ATP2C1: variants seen among roughly 807,000 people sequenced by gnomAD.
ATP2C1 encodes the protein ATPase secretory pathway Ca2+ transporting 1, also known as calcium-transporting ATPase type 2C member 1.
Under a neutral mutation model 120.5 loss-of-function variants are expected in ATP2C1, and 31 were observed. That is an observed-to-expected ratio of 0.26 (90% CI 0.19 to 0.35). The LOEUF (loss-of-function observed/expected upper bound fraction) is 0.35. Among genes scored for constraint, ATP2C1 ranks in the 10% least tolerant of loss-of-function variants. The probability of loss-of-function intolerance (pLI) is 1.00; values close to 1 mark genes in which losing one functional copy is unlikely to be tolerated. For synonymous variants in ATP2C1, 351 were observed against 358.7 expected (o/e 0.98, Z 0.24); for missense variants, 731 against 1,107.5 (o/e 0.66, Z 4.83).
intron 12 of ATP2C1, among the ~76,000 whole-genome samples, chr3:130,959,760 A>G (rs1456088565): frequency 2.6e-5 from 4 of 152,098 alleles, no homozygotes; most frequent in African/African-American, 9.6e-5. Context: ...AACTGCATCC[A>G]TGAGATAAAT....
intron 21 of ATP2C1, 59 bp downstream of exon 21, chr3:130,993,060 T>A: frequency 7.0e-7 from 1 of 1,435,140 alleles, no homozygotes; most frequent in Non-Finnish European, 9.8e-7. Context: ...CTACTTTACT[T>A]TTGTTATGTT....
At chr3:130,970,369 TACACACACACACACAC>T (rs201337484) in intron 17 of ATP2C1, among the ~76,000 whole-genome samples, 3,877 of 130,720 alleles carry the variant, frequency 0.03, 192 homozygotes, top group African/African-American at 0.11. Flanking sequence ...AAAAAAAAAT[TACACACACACACACAC>T]ACACACACAC....
rs2060723676 is a variant in ATP2C1 at position 130,959,457 on chromosome 3, A to T, written c.899+116A>T. 5 of 668,782 alleles carry T rather than the reference A, an allele frequency of 7.5e-6. No homozygotes were observed. In the Admixed American group the frequency reaches 9.5e-5, roughly 13 times the overall value. 41.4% of individuals were successfully genotyped at this position (668,782 alleles called of 1,614,324 possible). A position where few individuals can be genotyped will look rare whatever the true frequency, so the allele number is the denominator to read the frequency against. On this transcript the variant is annotated intron_variant, in intron 12 of 27. Transcript: ENST00000510168. ...TACATGGAGCCCATAAGAGTATAAC[A>T]TCGCTACATAAATAGTTCAGAAGTC...
intron 20 of ATP2C1, among the ~76,000 whole-genome samples, chr3:130,986,617 A>G (rs577195343): frequency 1.3e-5 from 2 of 152,362 alleles, no homozygotes; most frequent in African/African-American, 4.8e-5. Context: ...AAGCCCTGTC[A>G]GAAGCTCGTT....
intron 26 of ATP2C1, among the ~76,000 whole-genome samples, chr3:130,998,754 G>A (rs573602101): frequency 7.2e-5 from 11 of 152,242 alleles, no homozygotes; most frequent in African/African-American, 2.6e-4. Flanking sequence ...GTATTGCTAG[G>A]AGTATAAGAG....
Position 130,894,149 on chromosome 3 carries a change from TCCCC to T in ATP2C1, c.-368_-365del. The stretch of plus-strand genomic sequence containing the variant: ...ACGGGTCCCCTCACCTCCTCTTCTC[TCCCC>T]TCCCCGCCCGCCCTCTCTCCCTCCC... On this transcript the variant is annotated 5_prime_UTR_variant, in exon 1 of 28. Transcript: ENST00000510168. The surrounding 1 kb of genome is among the most constrained non-coding windows in gnomAD (Gnocchi z 4.5). The T allele has an allele frequency of 2.3e-5, 16 of 694,824 alleles. No individual in the cohort carries two copies. The highest frequency in any genetic ancestry group is 2.8e-5 in the Non-Finnish European group (16 of 565,178). 43.0% of individuals were successfully genotyped at this position (694,824 alleles called of 1,614,324 possible). A position where few individuals can be genotyped will look rare whatever the true frequency, so the allele number is the denominator to read the frequency against.
At chr3:130,972,919 G>C (rs2061393165) in intron 17 of ATP2C1, among the ~76,000 whole-genome samples, 1 of 151,412 alleles carries the variant, frequency 6.6e-6, no homozygotes, top group South Asian at 2.1e-4. Flanking sequence ...CAGAGAAAGG[G>C]ATCTTAGAGA....
intron 1 of ATP2C1, among the ~76,000 whole-genome samples, chr3:130,860,988 G>A (rs139482313): frequency 3.2e-4 from 49 of 152,312 alleles, no homozygotes; most frequent in African/African-American, 1.1e-3. Context: ...CAGGTTTCTC[G>A]ACATGGTGCG....
chr3:130,973,761 T>G (rs541134284), intron 17 of ATP2C1, among the ~76,000 whole-genome samples: 1 of 152,310 alleles, frequency 6.6e-6, no homozygotes, highest in South Asian at 2.1e-4. Flanking sequence ...TTAATTTCTT[T>G]ATACTTTTCA....
At chr3:130,962,007 T>C (rs1015186996) in intron 12 of ATP2C1, among the ~76,000 whole-genome samples, 1 of 152,058 alleles carries the variant, frequency 6.6e-6, no homozygotes, top group Non-Finnish European at 1.5e-5. Flanking sequence ...TCTCTTCCAG[T>C]TAATCATTCT....
intron 2 of ATP2C1, chr3:130,918,349 T>C: frequency 6.4e-7 from 1 of 1,552,568 alleles, no homozygotes; most frequent in Non-Finnish European, 8.9e-7. Context: ...TCAAGACTCT[T>C]CCCACACTTT....
At chr3:130,922,272 G>A (rs944179558) in intron 2 of ATP2C1, among the ~76,000 whole-genome samples, 21 of 152,178 alleles carry the variant, frequency 1.4e-4, no homozygotes, top group African/African-American at 5.1e-4. Flanking sequence ...AGCCTTGAAT[G>A]ATCTTTTCTA....
At chr3:130,871,879 A>G (rs1025413573) in intron 1 of ATP2C1, among the ~76,000 whole-genome samples, 4 of 152,112 alleles carry the variant, frequency 2.6e-5, no homozygotes, top group Admixed American at 6.5e-5. Context: ...AAAATTAGCC[A>G]GGCGTGCTGG....
At chr3:131,003,584 AT>A (rs1053296924), downstream of ATP2C1, among the ~76,000 whole-genome samples, 1 of 152,222 alleles carries the variant, frequency 6.6e-6, no homozygotes, top group Non-Finnish European at 1.5e-5. Context: ...AAGGCTGAAC[AT>A]GTTGTGTCAC....
intron 1 of ATP2C1, among the ~76,000 whole-genome samples, chr3:130,874,970 G>A (rs2068554219): frequency 1.3e-5 from 2 of 152,178 alleles, no homozygotes; most frequent in South Asian, 2.1e-4. Context: ...TCTTGGAAAC[G>A]AATGGATTTT....
chr3:130,863,529 A>G (rs922940290), intron 1 of ATP2C1, among the ~76,000 whole-genome samples: 1 of 152,248 alleles, frequency 6.6e-6, no homozygotes, highest in Non-Finnish European at 1.5e-5. Context: ...AAAGTCTTTA[A>G]GAATTCATTA....
intron 1 of ATP2C1, among the ~76,000 whole-genome samples, chr3:130,881,366 C>A (rs1011996384): frequency 6.6e-6 from 1 of 151,410 alleles, no homozygotes; most frequent in Non-Finnish European, 1.5e-5. Context: ...CTCCTCCTCC[C>A]CCTCCCCCTT....
Position 130,894,490 on chromosome 3 carries a change from G to T in ATP2C1, c.-180-100G>T, listed in dbSNP as rs1238544552. The T allele has an allele frequency of 2.9e-6, 4 of 1,379,520 alleles. No individual in the cohort carries two copies. In the South Asian group the frequency reaches 4.7e-5, roughly 16 times the overall value. 85.5% of individuals were successfully genotyped at this position (1,379,520 alleles called of 1,614,324 possible). ...ACGTTGCGGGCACACGACGGGGCGG[G>T]TGCGGGATCTTGGGGAGGGGGGCTC... On this transcript the variant is annotated intron_variant, in intron 1 of 27. Transcript: ENST00000510168. The surrounding 1 kb of genome is among the most constrained non-coding windows in gnomAD (Gnocchi z 4.5).
chr3:130,957,756 T>C (rs1239974959), intron 11 of ATP2C1, among the ~76,000 whole-genome samples: 1 of 152,116 alleles, frequency 6.6e-6, no homozygotes, highest in Non-Finnish European at 1.5e-5. Context: ...TTTTACCACA[T>C]TGGCCAGGCT....
Sources: gnomAD v4.1 joint callset for allele counts (sites outside exome capture counted in the v4.1 genomes callset) on GRCh38, gnomAD v4.1.1 for gene constraint, Gnocchi (gnomAD v3.1) non-coding constraint, MANE v1.5 for transcripts, NCBI Gene and HGNC (gene_info 2026-07-23, HGNC 2026-07-21) for gene names.